Variants in DYM observed in about 807,000 individuals in gnomAD.
DYM encodes the protein dyggve-Melchior-Clausen syndrome protein.
A neutral mutation model predicts 93.1 loss-of-function variants in DYM; 78 were observed. That is an observed-to-expected ratio of 0.84 (90% confidence interval 0.70 to 1.01). DYM has a LOEUF of 1.01. Ranked by LOEUF, DYM falls within the 50% of genes least tolerant of loss-of-function variation. The pLI is 0.00. For synonymous variants in DYM, 321 were observed against 319.7 expected, an observed-to-expected ratio of 1.00 and a Z score of -0.04; for missense variants, 789 against 845.0, an observed-to-expected ratio of 0.93 and a Z score of 0.82.
At chr18:49,129,642 T>C (rs1247876997) in intron 15 of DYM, among the ~76,000 whole-genome samples, 3 of 152,212 alleles carry the variant, frequency 2.0e-5, no homozygotes, top group Admixed American at 1.3e-4. Flanking sequence ...TTAAGAGTTC[T>C]TTCTCACTAT....
rs2081373081 is a variant in DYM, at chr18:49,440,972, T to TATATTTATATA, written c.-53-10526_-53-10525insTATATAAATAT. ...ATTATATAAATATATTATATTTATA[T>TATATTTATATA]AATATATTATATATAATATATAATA... On this transcript the variant is annotated intron_variant, in intron 1 of 17. Transcript: ENST00000675505. Among the ~76,000 whole-genome samples the TATATTTATATA allele has an allele frequency of 1.5e-3, 4 of 2,606 alleles. 1 individual carries two copies. The highest frequency in any genetic ancestry group is 3.0e-3 in the Non-Finnish European group (4 of 1,326). 1.7% of individuals were successfully genotyped at this position (2,606 alleles called of 152,430 possible). A position where few individuals can be genotyped will look rare whatever the true frequency, so the allele number is the denominator to read the frequency against.
intron 17 of DYM, among the ~76,000 whole-genome samples, chr18:49,054,272 T>G (rs2075282665): frequency 6.6e-6 from 1 of 152,230 alleles, no homozygotes; most frequent in Non-Finnish European, 1.5e-5. Flanking sequence ...GACGGAGTCT[T>G]GCTGTGTCAC....
chr18:49,175,756 A>G (rs914831436), intron 14 of DYM, among the ~76,000 whole-genome samples: 16 of 152,190 alleles, frequency 1.1e-4, no homozygotes, highest in Admixed American at 5.9e-4. Flanking sequence ...CACATGTTCT[A>G]GTAGAACCTA....
intron 17 of DYM, among the ~76,000 whole-genome samples, chr18:49,096,631 C>T (rs1404584379): frequency 6.6e-6 from 1 of 152,172 alleles, no homozygotes; most frequent in African/African-American, 2.4e-5. Context: ...CATGCATTCC[C>T]CAAAGGATCT....
chr18:49,148,588 A>C (rs2085438260), intron 15 of DYM, among the ~76,000 whole-genome samples: 1 of 152,138 alleles, frequency 6.6e-6, no homozygotes, highest in South Asian at 2.1e-4. Flanking sequence ...AAGAAAATCA[A>C]GGGTCAAAAT....
chr18:49,289,435 A>T (rs2059892380), intron 8 of DYM, among the ~76,000 whole-genome samples: 1 of 141,240 alleles, frequency 7.1e-6, no homozygotes, highest in Non-Finnish European at 1.5e-5. Flanking sequence ...AAAAAAAAGT[A>T]ATCCAAAATT....
chr18:49,441,230 A>AT (rs1307002670), intron 1 of DYM, among the ~76,000 whole-genome samples: 1,405 of 45,208 alleles, frequency 0.031, 91 homozygotes, highest in Non-Finnish European at 0.043. Flanking sequence ...TAATTATATT[A>AT]TATATAATAT....
chr18:49,448,287 T>C (rs1055104532), intron 1 of DYM, among the ~76,000 whole-genome samples: 1 of 152,186 alleles, frequency 6.6e-6, no homozygotes, highest in African/African-American at 2.4e-5. Flanking sequence ...AGAGTAGTAC[T>C]TAATTAGTAA....
At chr18:49,450,618 G>A (rs1260187051) in intron 1 of DYM, among the ~76,000 whole-genome samples, 2 of 152,204 alleles carry the variant, frequency 1.3e-5, no homozygotes, top group Non-Finnish European at 2.9e-5. Flanking sequence ...AACATCCAGA[G>A]AAGAGGTAAA....
intron 16 of DYM, among the ~76,000 whole-genome samples, chr18:49,118,293 CA>C (rs1472193317): frequency 6.6e-6 from 1 of 151,788 alleles, no homozygotes; most frequent in Non-Finnish European, 1.5e-5. Flanking sequence ...AAAACCATAT[CA>C]AAAATATAAT....
chr18:49,138,795 TA>T (rs368649570), intron 15 of DYM, among the ~76,000 whole-genome samples: 2 of 152,126 alleles, frequency 1.3e-5, no homozygotes, highest in African/African-American at 4.8e-5. Context: ...AGGTAAGTAT[TA>T]ATACGATTTA....
rs1200430880 is a variant in DYM, at chr18:49,081,532, AG to A, written c.2025+15869del. ...AGGGAGACCGAGAGGGAGAGGGGAGAGGGGAGAGGGGAGAGGGGAGAGGGGA... is the reference window on the plus strand; with the variant it reads ...AGGGAGACCGAGAGGGAGAGGGGAGAGGGAGAGGGGAGAGGGGAGAGGGGA... On this transcript the variant is annotated intron_variant, in intron 17 of 17. Transcript: ENST00000675505. 8.9e-4 allele frequency among the ~76,000 whole-genome samples: 5 copies of A among 5,596 alleles called. 1 individual carries two copies. The highest frequency in any genetic ancestry group is 7.5e-3 in the East Asian group (4 of 536). The allele number at this position is 5,596 out of a possible 152,430, so 3.7% of individuals were successfully genotyped here. A position where few individuals can be genotyped will look rare whatever the true frequency, so the allele number is the denominator to read the frequency against.
At chr18:49,170,468 G>C (rs1453089505) in intron 14 of DYM, among the ~76,000 whole-genome samples, 2 of 152,022 alleles carry the variant, frequency 1.3e-5, no homozygotes, top group African/African-American at 4.8e-5. Context: ...ATCACCCAAG[G>C]ATATTGTGTA....
chr18:49,193,577 T>G (rs895284308), intron 14 of DYM, among the ~76,000 whole-genome samples: 6 of 152,214 alleles, frequency 3.9e-5, no homozygotes, highest in Admixed American at 3.9e-4. Flanking sequence ...AGAATAGAAT[T>G]GAAATTTTAA....
chr18:49,284,815 T>A (rs1051373400), intron 9 of DYM, among the ~76,000 whole-genome samples: 13 of 152,140 alleles, frequency 8.5e-5, no homozygotes, highest in African/African-American at 3.1e-4. Context: ...ATTTGTAAAA[T>A]TGTTATTAAT....
chr18:49,222,663 G>A (rs182302098), intron 13 of DYM, among the ~76,000 whole-genome samples: 2 of 152,160 alleles, frequency 1.3e-5, no homozygotes, highest in Admixed American at 6.5e-5. Context: ...AACAAAAAAT[G>A]AAAATGTATC....
In DYM at chr18:49,426,755, ATGTGTGTGTGTGTG is replaced by A. The variant is rs59381977; in HGVS notation, c.140+3486_140+3499del. 2.5e-3 allele frequency among the ~76,000 whole-genome samples: 372 copies of A among 147,792 alleles called. 1 individual carries two copies. The highest frequency in any genetic ancestry group is 8.9e-3 in the African/African-American group (356 of 39,858). The stretch of plus-strand genomic sequence containing the variant: ...ACTGCTATTAGTCACACTGGAAAAC[ATGTGTGTGTGTGTG>A]TGTGTGTGTGTGTGTGTGTGTGAAT... On this transcript the variant is annotated intron_variant, in intron 2 of 17. Coordinates refer to ENST00000675505, the MANE Select transcript of DYM (RefSeq NM_001353214.3).
intron 2 of DYM, among the ~76,000 whole-genome samples, chr18:49,401,798 G>C (rs2070863674): frequency 1.3e-5 from 2 of 152,200 alleles, no homozygotes; most frequent in South Asian, 4.2e-4. Flanking sequence ...GGCTGAAGCG[G>C]GTGGATCACC....
chr18:49,070,402 G>A (rs2076795753), intron 17 of DYM, among the ~76,000 whole-genome samples: 1 of 152,160 alleles, frequency 6.6e-6, no homozygotes, highest in South Asian at 2.1e-4. Flanking sequence ...CTGCAGGACT[G>A]GGGACTCACT....
Sources: gnomAD v4.1 joint callset for allele counts (sites outside exome capture counted in the v4.1 genomes callset) on GRCh38, gnomAD v4.1.1 for gene constraint, MANE v1.5 for transcripts, NCBI Gene and HGNC (gene_info 2026-07-23, HGNC 2026-07-21) for gene names.